The following PRUNE2 variants were observed in gnomAD, a reference collection of about 807,000 sequenced individuals.
PRUNE2 encodes protein prune homolog 2.
A neutral mutation model predicts 252.0 loss-of-function variants in PRUNE2; 164 were observed. The ratio of observed to expected loss-of-function variants is 0.65; its 90% CI spans 0.57 to 0.74. PRUNE2 has a LOEUF of 0.74. Among genes scored for constraint, PRUNE2 ranks in the 30% least tolerant of loss-of-function variants. PRUNE2 has a pLI of 0.00. For missense variants in PRUNE2, 3,495 were observed against 3,711.0 expected (o/e 0.94, Z 1.51); for synonymous variants, 1,292 against 1,350.2 (o/e 0.96, Z 0.94).
chr9:76,735,419 CTTTTT>C (rs34406993), intron 6 of PRUNE2, among the ~76,000 whole-genome samples: 80 of 133,088 alleles, frequency 6.0e-4, no homozygotes, highest in African/African-American at 1.4e-3. Context: ...TTTCTTTCTT[CTTTTT>C]TTTTTTTTTT....
At chr9:76,632,464 G>T (rs976083384) in intron 15 of PRUNE2, among the ~76,000 whole-genome samples, 3 of 152,174 alleles carry the variant, frequency 2.0e-5, no homozygotes, top group Non-Finnish European at 4.4e-5. Context: ...GCAGACAATT[G>T]GTTTCAAAGA....
At chr9:76,855,150 CTAAA>C (rs1422963763) in intron 1 of PRUNE2, among the ~76,000 whole-genome samples, 1 of 147,862 alleles carries the variant, frequency 6.8e-6, no homozygotes, top group Non-Finnish European at 1.5e-5. Flanking sequence ...TTCTGGTTAA[CTAAA>C]TAGTTATTTG....
At chr9:76,695,281 G>T (rs1484510561) in intron 9 of PRUNE2, among the ~76,000 whole-genome samples, 1 of 110,594 alleles carries the variant, frequency 9.0e-6, no homozygotes, top group African/African-American at 2.7e-5. Context: ...CACGTGATCT[G>T]CCCGACTCAG....
intron 1 of PRUNE2, among the ~76,000 whole-genome samples, chr9:76,878,263 A>G (rs1288654989): frequency 6.6e-6 from 1 of 152,222 alleles, no homozygotes; most frequent in Non-Finnish European, 1.5e-5. Context: ...GAGCAGGTGG[A>G]AGAGTCCACT....
intron 6 of PRUNE2, among the ~76,000 whole-genome samples, chr9:76,774,460 T>A (rs1370579131): frequency 7.2e-5 from 10 of 138,576 alleles, no homozygotes; most frequent in African/African-American, 2.7e-4. Context: ...CTTTTTTTTT[T>A]TTTTTTTTTT....
intron 16 of PRUNE2, among the ~76,000 whole-genome samples, chr9:76,625,608 C>A (rs1834354665): frequency 6.6e-6 from 1 of 152,114 alleles, no homozygotes; most frequent in South Asian, 2.1e-4. Context: ...TCATTATTTG[C>A]AGATTCTATA....
At chr9:76,652,105 A>G (rs1276830747) in intron 11 of PRUNE2, 1 of 163,966 alleles carries the variant, frequency 6.1e-6, no homozygotes, top group Non-Finnish European at 1.3e-5. Flanking sequence ...GATAGTGGGA[A>G]CTTATACAAG....
At chr9:76,753,467 C>T (rs566839237) in intron 6 of PRUNE2, among the ~76,000 whole-genome samples, 9 of 152,304 alleles carry the variant, frequency 5.9e-5, no homozygotes, top group South Asian at 2.1e-4. Flanking sequence ...CTCTTGTTCT[C>T]TGTCAGGAGT....
chr9:76,757,328 T>C (rs2051245942), intron 6 of PRUNE2, among the ~76,000 whole-genome samples: 1 of 152,260 alleles, frequency 6.6e-6, no homozygotes, highest in Admixed American at 6.5e-5. Flanking sequence ...AATATTTAGA[T>C]GTACTAACTA....
In PRUNE2 at chr9:76,846,616, G is replaced by A. The variant is rs778248246; in HGVS notation, c.407C>T (p.Ala136Val). 2.7e-5 allele frequency: 43 copies of A among 1,613,844 alleles called. No individual in the cohort carries two copies. Among genetic ancestry groups the A allele is most frequent in the Non-Finnish European group, 3.5e-5 (41 of 1,179,850 alleles). Residue 136 changes from alanine to valine, a missense_variant, in exon 4 of 19, where the codon GCC becomes GTC. Transcript: ENST00000376718. The stretch of plus-strand genomic sequence containing the variant: ...GGAAGACTCTCGGAACTCAACGTTG[G>A]CATCGCTCTGCTCAACCGGATTAAT... ...KVINPVEQSD[A>V]NVEFRESSSS...
At chr9:76,742,158 G>C (rs1174268826) in intron 6 of PRUNE2, among the ~76,000 whole-genome samples, 1 of 152,082 alleles carries the variant, frequency 6.6e-6, no homozygotes, top group Non-Finnish European at 1.5e-5. Flanking sequence ...GACTGTGAAA[G>C]AAAAGAGACA....
chr9:76,749,835 C>A (rs1002422267), intron 6 of PRUNE2, among the ~76,000 whole-genome samples: 1 of 152,134 alleles, frequency 6.6e-6, no homozygotes, highest in East Asian at 1.9e-4. Flanking sequence ...GACAGATTTG[C>A]GTTTCAGTGT....
chr9:76,846,549 C>T lies in PRUNE2; in HGVS notation c.474G>A (p.Glu158=). The change falls in exon 4 of 19, where the codon GAG becomes GAA. Residue 158 remains glutamate, a synonymous_variant. Transcript: ENST00000376718. Reference sequence around the variant, plus strand: ...GATGAGCCAGTTGCTCGGTGATGAGCTCAGGAGCCTCTTGGAGAATCTCCT... The same window carrying T: ...GATGAGCCAGTTGCTCGGTGATGAGTTCAGGAGCCTCTTGGAGAATCTCCT... ...VLKEILQEAP[E]LITEQLAHRL... 6.2e-7 allele frequency: 1 copy of T among 1,614,088 alleles called. No individual in the cohort carries two copies. The highest frequency in any genetic ancestry group is 8.5e-7 in the Non-Finnish European group (1 of 1,179,972).
chr9:76,807,299 C>T (rs1369423002), intron 6 of PRUNE2, among the ~76,000 whole-genome samples: 1 of 151,882 alleles, frequency 6.6e-6, no homozygotes, highest in Non-Finnish European at 1.5e-5. Flanking sequence ...TCTCGAACTC[C>T]TGGTCTCAAG....
At chr9:76,793,081 A>T (rs368032992) in intron 6 of PRUNE2, among the ~76,000 whole-genome samples, 4 of 152,216 alleles carry the variant, frequency 2.6e-5, no homozygotes, top group African/African-American at 9.6e-5. Flanking sequence ...CTATTATGCC[A>T]TGTGGGGTTT....
rs1840680092 is a variant in PRUNE2 at position 76,637,502 on chromosome 9, A to G, written c.8879T>C (p.Ile2960Thr). Residue 2960 changes from isoleucine (I) to threonine (T), a missense_variant, in exon 14 of 19, where the codon ATT (isoleucine) becomes ACT (threonine). Physicochemically the swap from Ile to Thr is moderately conservative, Grantham distance 89. Transcript: ENST00000376718. ...LELMVAEDYMIVYLNGATPRR... is the reference protein window; with the variant it reads ...LELMVAEDYMTVYLNGATPRR... ...TGGGGTTGCACCATTCAAGTACACA[A>G]TCATATAGTCTTCAGCTACCATCAA... is the stretch of plus-strand genomic sequence containing the variant. 6.2e-7 allele frequency: 1 copy of G among 1,613,140 alleles called. No homozygotes were observed. Among genetic ancestry groups the G allele is most frequent in the African/African-American group, 1.3e-5 (1 of 74,878 alleles).
At chr9:76,811,253 C>T (rs765887455) in intron 6 of PRUNE2, among the ~76,000 whole-genome samples, 6 of 152,306 alleles carry the variant, frequency 3.9e-5, no homozygotes, top group Non-Finnish European at 8.8e-5. Flanking sequence ...CTGAGGGTTT[C>T]CCTTCTCATA....
intron 1 of PRUNE2, among the ~76,000 whole-genome samples, chr9:76,893,346 TA>T (rs1564519972): frequency 6.6e-6 from 1 of 152,240 alleles, no homozygotes; most frequent in Non-Finnish European, 1.5e-5. Context: ...AACTCACAGT[TA>T]CACAACGAGA....
intron 6 of PRUNE2, among the ~76,000 whole-genome samples, chr9:76,762,486 T>C (rs1303153805): frequency 6.6e-6 from 1 of 152,198 alleles, no homozygotes; most frequent in Non-Finnish European, 1.5e-5. Context: ...AAATGCTTAA[T>C]ACCACTTTTT....
Sources: allele counts gnomAD v4.1 joint callset (sites outside exome capture counted in the v4.1 genomes callset), GRCh38; gene constraint gnomAD v4.1.1; transcripts MANE v1.5; gene names NCBI Gene and HGNC (gene_info 2026-07-23, HGNC 2026-07-21).